HOOK3: variants seen among roughly 807,000 people sequenced by gnomAD.
HOOK3 encodes the protein hook microtubule tethering protein 3.
Under a neutral mutation model 116.3 loss-of-function variants are expected in HOOK3, and 24 were observed. The ratio of observed to expected loss-of-function variants is 0.21; its 90% CI spans 0.15 to 0.29. The LOEUF is 0.29. Ranked by LOEUF, HOOK3 falls within the 10% of genes least tolerant of loss-of-function variation. The pLI is 1.00. For missense variants in HOOK3, 632 were observed against 830.2 expected (o/e 0.76, Z 2.93); for synonymous variants, 275 against 283.0 (o/e 0.97, Z 0.28).
intron 6 of HOOK3, 40 bp downstream of exon 6, chr8:42,950,495 AAG>A: frequency 7.3e-7 from 1 of 1,376,348 alleles, no homozygotes; most frequent in Non-Finnish European, 1.0e-6. Flanking sequence ...TGAAAAATTA[AAG>A]GAGTAAACAT....
rs536447751 is a variant in HOOK3 at position 43,022,250 on chromosome 8, G to A, written c.*3752G>A. On this transcript the variant is annotated 3_prime_UTR_variant, in exon 22 of 22. Transcript: ENST00000307602. ...TGATTAATGATTCCTCAGGAGATTC[G>A]TGATGTTGTCTGGTCTATCTGGAAA... The A allele has an allele frequency of 9.5e-6, 2 of 211,354 alleles. No individual in the cohort carries two copies. Among genetic ancestry groups the A allele is most frequent in the East Asian group, 7.1e-5 (1 of 14,102 alleles). The allele number at this position is 211,354 out of a possible 1,614,324, so 13.1% of individuals were successfully genotyped here.
chr8:42,897,067 TC>T lies in HOOK3; in HGVS notation c.-60del. On this transcript the variant is annotated 5_prime_UTR_variant, in exon 1 of 22. Transcript: ENST00000307602. ...CGAGTCAGCTGCGCGGGCCCCCGGA[TC>T]CCCCGACAGAGCGGCGGCGGTGTCT... 1 of 1,180,756 alleles carries T rather than the reference TC, an allele frequency of 8.5e-7. No homozygotes were observed. Among genetic ancestry groups the T allele is most frequent in the Non-Finnish European group, 1.1e-6 (1 of 938,680 alleles). 73.1% of individuals were successfully genotyped at this position (1,180,756 alleles called of 1,614,324 possible).
chr8:42,939,892 G>A (rs1226471482), intron 4 of HOOK3, among the ~76,000 whole-genome samples: 3 of 150,472 alleles, frequency 2.0e-5, no homozygotes, highest in Non-Finnish European at 1.5e-5. Flanking sequence ...ATGGGCGGCC[G>A]GGCAGAGACA....
intron 3 of HOOK3, among the ~76,000 whole-genome samples, chr8:42,929,889 A>G (rs541677239): frequency 2.0e-5 from 3 of 152,198 alleles, no homozygotes; most frequent in Non-Finnish European, 4.4e-5. Context: ...CAGTGTGGTC[A>G]TAACATTGAA....
At chr8:42,966,266 A>G (rs1165025235) in intron 9 of HOOK3, among the ~76,000 whole-genome samples, 1 of 152,190 alleles carries the variant, frequency 6.6e-6, no homozygotes, top group Non-Finnish European at 1.5e-5. Flanking sequence ...GGGAAATAGT[A>G]ACCAGTTGTC....
rs756919031 is a variant in HOOK3 at position 43,018,342 on chromosome 8, TG to T, written c.2017-15del. On this transcript the variant is annotated splice_polypyrimidine_tract_variant and intron_variant, in intron 21 of 21. Coordinates refer to ENST00000307602, the MANE Select transcript of HOOK3 (RefSeq NM_032410.4). Reference sequence around the variant, plus strand: ...CTATTTTTTCATTGATTCCTTTTTTTGTTTTAATGTTGCAGGGAATGACCCT... The same window carrying T: ...CTATTTTTTCATTGATTCCTTTTTTTTTTTAATGTTGCAGGGAATGACCCT... The T allele has an allele frequency of 6.4e-7, 1 of 1,552,044 alleles. No homozygotes were observed. Among genetic ancestry groups the T allele is most frequent in the Non-Finnish European group, 8.7e-7 (1 of 1,151,892 alleles).
At chr8:42,907,084 A>G (rs747737631) in intron 2 of HOOK3, among the ~76,000 whole-genome samples, 56 of 152,328 alleles carry the variant, frequency 3.7e-4, no homozygotes, top group Admixed American at 1.9e-3. Context: ...AAAATAAAGG[A>G]TTATGTGTGA....
chr8:43,010,282 A>T (rs1225427778), intron 18 of HOOK3, 23 bp from the exon 19 acceptor site: 2 of 677,288 alleles, frequency 3.0e-6, no homozygotes, highest in Non-Finnish European at 2.1e-6. Flanking sequence ...AAATATATAT[A>T]TTTTACTGTG....
intron 14 of HOOK3, among the ~76,000 whole-genome samples, chr8:42,985,332 T>G (rs547901048): frequency 2.0e-4 from 30 of 152,270 alleles, no homozygotes; most frequent in African/African-American, 6.7e-4. Context: ...GCCCAATAAT[T>G]GGGGGTTTAT....
At chr8:42,945,624 T>TA (rs1563298088) in intron 5 of HOOK3, among the ~76,000 whole-genome samples, 2 of 152,188 alleles carry the variant, frequency 1.3e-5, no homozygotes, top group African/African-American at 4.8e-5. Flanking sequence ...TATAGTATTT[T>TA]AAAACATTTT....
rs1022289709 is a variant in HOOK3, at chr8:43,028,137, T to G, written c.*9639T>G. The stretch of plus-strand genomic sequence containing the variant: ...TTTATTTTTCAAGTGATAAAATCAT[T>G]TTATAAATCATTTCTTAATATCTTC... On this transcript the variant is annotated 3_prime_UTR_variant, in exon 22 of 22. Transcript: ENST00000307602. 5.4e-6 allele frequency: 1 copy of G among 186,154 alleles called. No homozygotes were observed. The highest frequency in any genetic ancestry group is 1.1e-5 in the Non-Finnish European group (1 of 88,124). The allele number at this position is 186,154 out of a possible 1,614,324, so 11.5% of individuals were successfully genotyped here.
At chr8:43,002,294 T>C (rs886549606) in intron 17 of HOOK3, among the ~76,000 whole-genome samples, 153 bp downstream of exon 17, 1 of 152,194 alleles carries the variant, frequency 6.6e-6, no homozygotes, top group African/African-American at 2.4e-5. Flanking sequence ...GGGTCACTTC[T>C]CCCCAAGGTT....
At chr8:43,007,768 A>T in intron 17 of HOOK3, 79 bp from the exon 18 acceptor site, 1 of 757,472 alleles carries the variant, frequency 1.3e-6, no homozygotes, top group Non-Finnish European at 2.1e-6. Context: ...TAATCCAAAT[A>T]TAAGGAACTC....
Position 43,029,678 on chromosome 8 carries a change from C to A in HOOK3, c.*11180C>A, listed in dbSNP as rs774973552. 2 of 192,998 alleles carry A rather than the reference C, an allele frequency of 1.0e-5. No individual in the cohort carries two copies. Among genetic ancestry groups the A allele is most frequent in the East Asian group, 1.6e-4 (2 of 12,146 alleles). 12.0% of individuals were successfully genotyped at this position (192,998 alleles called of 1,614,324 possible). A position where few individuals can be genotyped will look rare whatever the true frequency, so the allele number is the denominator to read the frequency against. Reference sequence around the variant, plus strand: ...AATGAATAGTAAAATTCAAACATATCTAATAATAATTTGCCTTAGTTTGAT... The same window carrying A: ...AATGAATAGTAAAATTCAAACATATATAATAATAATTTGCCTTAGTTTGAT... On this transcript the variant is annotated 3_prime_UTR_variant, in exon 22 of 22. Coordinates refer to ENST00000307602, the MANE Select transcript of HOOK3 (RefSeq NM_032410.4).
Position 43,022,876 on chromosome 8 carries a change from A to G in HOOK3, c.*4378A>G, listed in dbSNP as rs1057198365. On this transcript the variant is annotated 3_prime_UTR_variant, in exon 22 of 22. Transcript: ENST00000307602. ...TTATTGTTAATATAATAAAAGCTCAACTGTACAAAATTAAGCTAAATGTTA... is the reference window on the plus strand; with the variant it reads ...TTATTGTTAATATAATAAAAGCTCAGCTGTACAAAATTAAGCTAAATGTTA... 1 of 170,618 alleles carries G rather than the reference A, an allele frequency of 5.9e-6. No homozygotes were observed. The highest frequency in any genetic ancestry group is 1.3e-5 in the Non-Finnish European group (1 of 78,486). The allele number at this position is 170,618 out of a possible 1,614,324, so 10.6% of individuals were successfully genotyped here. A position where few individuals can be genotyped will look rare whatever the true frequency, so the allele number is the denominator to read the frequency against.
In HOOK3 at chr8:42,914,964, C is replaced by A. The variant is rs80165258; in HGVS notation, c.143+8706C>A. On this transcript the variant is annotated intron_variant, in intron 2 of 21. Transcript: ENST00000307602. ...ACCTGAAACCCCATCATTTGAGTTT[C>A]AGTATGGCATTCCAGAGATGTATAG... is the stretch of plus-strand genomic sequence containing the variant. Among the ~76,000 whole-genome samples, 49 of 152,240 alleles carry A rather than the reference C, an allele frequency of 3.2e-4. No homozygotes were observed. The East Asian group carries it at 7.1e-3, about 22-fold the overall frequency.
At chr8:42,941,127 A>T (rs1403757508) in intron 4 of HOOK3, among the ~76,000 whole-genome samples, 2 of 151,592 alleles carry the variant, frequency 1.3e-5, no homozygotes, top group African/African-American at 4.8e-5. Flanking sequence ...TTGTATTTTT[A>T]GTAGAGACGG....
chr8:42,971,254 T>G (rs1808721641), intron 11 of HOOK3, among the ~76,000 whole-genome samples: 1 of 151,952 alleles, frequency 6.6e-6, no homozygotes, highest in African/African-American at 2.4e-5. Flanking sequence ...TGTTGTGTGT[T>G]TTTTGTTTTT....
At chr8:42,973,490 T>G in intron 12 of HOOK3, 91 bp downstream of exon 12, 1 of 773,718 alleles carries the variant, frequency 1.3e-6, no homozygotes, top group South Asian at 3.2e-5. Context: ...TCATTTAAGT[T>G]ATGAATTTAA....
Sources: allele counts gnomAD v4.1 joint callset (sites outside exome capture counted in the v4.1 genomes callset), GRCh38; gene constraint gnomAD v4.1.1; transcripts MANE v1.5; gene names NCBI Gene and HGNC (gene_info 2026-07-23, HGNC 2026-07-21).